Variants in ARHGAP6 observed in about 807,000 individuals in gnomAD.
ARHGAP6 encodes rho GTPase-activating protein 6.
ARHGAP6 carries 16 observed loss-of-function variants against 55.7 expected under a neutral mutation model. The ratio of observed to expected loss-of-function variants is 0.29; its 90% CI spans 0.19 to 0.44. The LOEUF is 0.44. Ranked by LOEUF, ARHGAP6 falls within the 20% of genes least tolerant of loss-of-function variation. The pLI is 1.00. For missense variants in ARHGAP6, 698 were observed against 808.9 expected, an observed-to-expected ratio of 0.86 and a Z score of 1.66; for synonymous variants, 382 against 360.9, an observed-to-expected ratio of 1.06 and a Z score of -0.66.
intron 1 of ARHGAP6, among the ~76,000 whole-genome samples, chrX:11,340,200 G>A (rs1323172413): frequency 9.0e-6 from 1 of 111,632 alleles, no homozygotes; most frequent in African/African-American, 3.3e-5. Context: ...GCTTCTCACT[G>A]CAATGCAATG....
chrX:11,286,503 C>T (rs1356634720), intron 1 of ARHGAP6, among the ~76,000 whole-genome samples: 1 of 111,336 alleles, frequency 9.0e-6, no homozygotes, highest in Non-Finnish European at 1.9e-5. Flanking sequence ...TCCACAACAG[C>T]ACCCTGGGTC....
At chrX:11,242,543 T>C (rs1398522371) in intron 2 of ARHGAP6, among the ~76,000 whole-genome samples, 1 of 112,167 alleles carries the variant, frequency 8.9e-6, no homozygotes, top group African/African-American at 3.2e-5. Context: ...TCCAGGCTCC[T>C]GAATTTGTAT....
chrX:11,323,820 G>A (rs753146553), intron 1 of ARHGAP6, among the ~76,000 whole-genome samples: 2 of 95,060 alleles, frequency 2.1e-5, no homozygotes, highest in South Asian at 5.2e-4. Flanking sequence ...AGCCGAGATC[G>A]CACCATTGCC....
At chrX:11,232,470 CAA>C (rs1342134402) in intron 2 of ARHGAP6, among the ~76,000 whole-genome samples, 8 of 102,240 alleles carry the variant, frequency 7.8e-5, no homozygotes, top group African/African-American at 2.8e-4. Flanking sequence ...AAAATACACA[CAA>C]AAAAAAAAAA....
intron 1 of ARHGAP6, among the ~76,000 whole-genome samples, chrX:11,518,462 CTTTTTTTTTT>C (rs368595944): frequency 1.3e-5 from 1 of 74,930 alleles, no homozygotes; most frequent in East Asian, 4.1e-4. Context: ...TTTTTTTTTT[CTTTTTTTTTT>C]TTTTTTTTGA....
chrX:11,180,837 C>T (rs1409952828), intron 6 of ARHGAP6, among the ~76,000 whole-genome samples: 1 of 112,147 alleles, frequency 8.9e-6, no homozygotes, highest in African/African-American at 3.2e-5. Context: ...AGAAGACTTC[C>T]ACTGGCACTC....
At chrX:11,427,910 C>T (rs1353750347) in intron 1 of ARHGAP6, 1 of 526,536 alleles carries the variant, frequency 1.9e-6, no homozygotes, top group African/African-American at 2.5e-5. Flanking sequence ...ATTCCTTCCG[C>T]TCCTGGCGGG....
At chrX:11,632,614 C>T (rs1350021621) in intron 1 of ARHGAP6, among the ~76,000 whole-genome samples, 1 of 112,226 alleles carries the variant, frequency 8.9e-6, no homozygotes, top group Admixed American at 9.4e-5. Flanking sequence ...CCACAGATTC[C>T]GCATGAATGG....
intron 1 of ARHGAP6, among the ~76,000 whole-genome samples, chrX:11,491,988 G>GT (rs2050576084): frequency 9.2e-6 from 1 of 108,912 alleles, no homozygotes; most frequent in African/African-American, 3.4e-5. Context: ...TTTTTCATGT[G>GT]TTTTTTGGCT....
chrX:11,635,455 TAATA>T (rs1327442076), intron 1 of ARHGAP6, among the ~76,000 whole-genome samples: 1 of 111,903 alleles, frequency 8.9e-6, no homozygotes, highest in Non-Finnish European at 1.9e-5. Flanking sequence ...TTTATATTTT[TAATA>T]AATACTTAGT....
At chrX:11,185,142 C>CTGTGTG (rs3990773) in intron 5 of ARHGAP6, among the ~76,000 whole-genome samples, 1,991 of 95,936 alleles carry the variant, frequency 0.021, 23 homozygotes, top group Middle Eastern at 0.054. Context: ...TGGTGCATGA[C>CTGTGTG]TGTGTGTGTG....
intron 1 of ARHGAP6, among the ~76,000 whole-genome samples, chrX:11,390,114 G>A (rs1030845500): frequency 5.9e-4 from 66 of 111,878 alleles, no homozygotes; most frequent in Non-Finnish European, 1.5e-4. Context: ...TAAGGTATAA[G>A]GAAGGAAACC....
At chrX:11,370,262 A>G (rs2049129317) in intron 1 of ARHGAP6, among the ~76,000 whole-genome samples, 1 of 112,491 alleles carries the variant, frequency 8.9e-6, no homozygotes, top group Admixed American at 9.4e-5. Context: ...TTCCAGTTTC[A>G]CTTACTTTAT....
chrX:11,630,648 G>A (rs2052350689), intron 1 of ARHGAP6, among the ~76,000 whole-genome samples: 1 of 112,301 alleles, frequency 8.9e-6, no homozygotes, highest in South Asian at 3.7e-4. Context: ...TGGATGGACA[G>A]ACAGAAAAGC....
chrX:11,590,909 A>AGAAAGAAAGAAG (rs2051819165), intron 1 of ARHGAP6, among the ~76,000 whole-genome samples: 1 of 91,235 alleles, frequency 1.1e-5, no homozygotes, highest in Non-Finnish European at 2.1e-5. Context: ...AAAGAAAGAA[A>AGAAAGAAAGAAG]GAAAGAAAAG....
At chrX:11,533,117 T>C (rs2051068936) in intron 1 of ARHGAP6, among the ~76,000 whole-genome samples, 1 of 111,582 alleles carries the variant, frequency 9.0e-6, no homozygotes, top group Admixed American at 9.5e-5. Flanking sequence ...TGAGAATGCA[T>C]AATTTTAAGG....
At chrX:11,452,395 A>T (rs1472327326) in intron 1 of ARHGAP6, among the ~76,000 whole-genome samples, 1 of 111,329 alleles carries the variant, frequency 9.0e-6, no homozygotes. Flanking sequence ...TGATCCGCCC[A>T]CCTCAGCCTC....
chrX:11,173,063 G>A (rs995969977), intron 8 of ARHGAP6, among the ~76,000 whole-genome samples: 2 of 111,904 alleles, frequency 1.8e-5, no homozygotes, highest in Non-Finnish European at 3.8e-5. Context: ...TTTTATAGAC[G>A]AGGGAAGTGA....
intron 1 of ARHGAP6, among the ~76,000 whole-genome samples, chrX:11,610,925 A>G (rs1211795143): frequency 4.5e-5 from 5 of 112,321 alleles, no homozygotes; most frequent in Non-Finnish European, 7.5e-5. Flanking sequence ...ACCATAGAAT[A>G]TGTGGTCTTT....
Sources: allele counts gnomAD v4.1 joint callset (sites outside exome capture counted in the v4.1 genomes callset), GRCh38; gene constraint gnomAD v4.1.1; transcripts MANE v1.5; gene names NCBI Gene and HGNC (gene_info 2026-07-23, HGNC 2026-07-21).